The following SMAD3 variants were observed in gnomAD, a reference collection of about 807,000 sequenced individuals.
SMAD3 encodes MAD homolog 3.
Under a neutral mutation model 51.8 loss-of-function variants are expected in SMAD3, and 12 were observed. The observed-to-expected ratio is 0.23, with a 90% confidence interval of 0.15 to 0.38. SMAD3 has a LOEUF of 0.38. Ranked by LOEUF, SMAD3 falls within the 10% of genes least tolerant of loss-of-function variation. The probability of loss-of-function intolerance (pLI) is 1.00; values close to 1 mark genes in which losing one functional copy is unlikely to be tolerated. For missense variants in SMAD3, 294 were observed against 565.6 expected, an observed-to-expected ratio of 0.52 and a Z score of 4.87; for synonymous variants, 238 against 227.7, an observed-to-expected ratio of 1.05 and a Z score of -0.41.
intron 1 of SMAD3, among the ~76,000 whole-genome samples, chr15:67,125,484 C>G (rs957235678): frequency 6.6e-6 from 1 of 152,210 alleles, no homozygotes; most frequent in African/African-American, 2.4e-5. Flanking sequence ...GACCTGGCCT[C>G]AGGACCACTC....
rs762320351 is a variant in SMAD3, at chr15:67,166,194, G to T, written c.533-585G>T. The T allele has an allele frequency of 3.3e-4, 334 of 1,013,370 alleles. 1 individual carries two copies. Among genetic ancestry groups the T allele is most frequent in the Non-Finnish European group, 3.9e-4 (329 of 844,936 alleles). 62.8% of individuals were successfully genotyped at this position (1,013,370 alleles called of 1,614,324 possible). Reference sequence around the variant, plus strand: ...TGCGGGTAGCCCTGGCGTCCCGCGGGTAAGTCAACTACTCCCTGTTCAAAG... The same window carrying T: ...TGCGGGTAGCCCTGGCGTCCCGCGGTTAAGTCAACTACTCCCTGTTCAAAG... On this transcript the variant is annotated intron_variant, in intron 3 of 8. Coordinates refer to ENST00000327367, the MANE Select transcript of SMAD3 (RefSeq NM_005902.4).
At chr15:67,098,322 A>AGGAGGGAG (rs1279427816) in intron 1 of SMAD3, among the ~76,000 whole-genome samples, 4 of 83,762 alleles carry the variant, frequency 4.8e-5, no homozygotes, top group African/African-American at 1.4e-4. Context: ...AAAAGAAGGA[A>AGGAGGGAG]GGAGGGAGGG....
At chr15:67,116,067 C>T (rs1335892493) in intron 1 of SMAD3, among the ~76,000 whole-genome samples, 1 of 152,234 alleles carries the variant, frequency 6.6e-6, no homozygotes, top group African/African-American at 2.4e-5. Flanking sequence ...ACCCGAAGGA[C>T]TTTTTACATC....
intron 7 of SMAD3, chr15:67,186,967 G>A: frequency 2.3e-6 from 1 of 432,836 alleles, no homozygotes; most frequent in Non-Finnish European, 4.6e-6. Flanking sequence ...ACACAGCATG[G>A]GCAACCTGGC....
chr15:67,117,431 C>CAG (rs1961159715), intron 1 of SMAD3, among the ~76,000 whole-genome samples: 1 of 152,132 alleles, frequency 6.6e-6, no homozygotes, highest in Non-Finnish European at 1.5e-5. Flanking sequence ...CTTCATTTTA[C>CAG]AGAGGAGGAA....
intron 1 of SMAD3, among the ~76,000 whole-genome samples, chr15:67,080,203 A>C (rs1201358370): frequency 6.6e-6 from 1 of 152,208 alleles, no homozygotes; most frequent in Admixed American, 6.5e-5. Flanking sequence ...GGAATGTGCA[A>C]ATTATGTCCT....
intron 1 of SMAD3, among the ~76,000 whole-genome samples, chr15:67,126,390 T>A (rs1376956969): frequency 6.6e-6 from 1 of 152,116 alleles, no homozygotes; most frequent in Non-Finnish European, 1.5e-5. Flanking sequence ...TCCTAGCCCG[T>A]TACCACAGCT....
intron 1 of SMAD3, among the ~76,000 whole-genome samples, chr15:67,095,478 A>G (rs961271825): frequency 7.2e-5 from 11 of 152,130 alleles, no homozygotes; most frequent in Non-Finnish European, 1.5e-4. Flanking sequence ...CGTGACGAGT[A>G]CAGTCACATA....
chr15:67,091,440 G>T (rs1021610993), intron 1 of SMAD3, among the ~76,000 whole-genome samples: 7 of 152,232 alleles, frequency 4.6e-5, no homozygotes, highest in African/African-American at 1.7e-4. Flanking sequence ...CAACCAGTGA[G>T]TCACTCACCC....
chr15:67,067,370 G>A (rs1395848069), intron 1 of SMAD3, among the ~76,000 whole-genome samples: 2 of 152,192 alleles, frequency 1.3e-5, no homozygotes, highest in African/African-American at 4.8e-5. Flanking sequence ...GCCTGGCTGG[G>A]AACTGGGGGT....
chr15:67,102,928 A>G (rs988932521), intron 1 of SMAD3, among the ~76,000 whole-genome samples: 9 of 152,092 alleles, frequency 5.9e-5, no homozygotes, highest in African/African-American at 2.2e-4. Context: ...GTTTCCTGGG[A>G]TGCTCTCCTA....
intron 1 of SMAD3, among the ~76,000 whole-genome samples, chr15:67,092,852 A>G (rs889738894): frequency 6.6e-6 from 1 of 152,204 alleles, no homozygotes; most frequent in Non-Finnish European, 1.5e-5. Context: ...AACAGGCACG[A>G]TGTTCCATAT....
chr15:67,107,594 A>G (rs955960246), intron 1 of SMAD3, among the ~76,000 whole-genome samples: 2 of 152,170 alleles, frequency 1.3e-5, no homozygotes, highest in Non-Finnish European at 2.9e-5. Flanking sequence ...CGCCTCTCTG[A>G]GCCTTGCCAC....
In SMAD3 at chr15:67,194,262, A is replaced by G. The variant is rs901934210; in HGVS notation, c.*3726A>G. 6 of 233,272 alleles carry G rather than the reference A, an allele frequency of 2.6e-5. No individual in the cohort carries two copies. Among genetic ancestry groups the G allele is most frequent in the African/African-American group, 8.8e-5 (4 of 45,358 alleles). 14.5% of individuals were successfully genotyped at this position (233,272 alleles called of 1,614,324 possible). ...CCCCTTTCAGGTAACCGTCTTCACAATGTATTTTCATCACAGTTTAAGGAG... is the reference window on the plus strand; with the variant it reads ...CCCCTTTCAGGTAACCGTCTTCACAGTGTATTTTCATCACAGTTTAAGGAG... On this transcript the variant is annotated 3_prime_UTR_variant, in exon 9 of 9. Coordinates refer to ENST00000327367, the MANE Select transcript of SMAD3 (RefSeq NM_005902.4).
At chr15:67,152,930 G>A (rs1385486204) in intron 1 of SMAD3, among the ~76,000 whole-genome samples, 1 of 152,190 alleles carries the variant, frequency 6.6e-6, no homozygotes, top group Non-Finnish European at 1.5e-5. Flanking sequence ...CATGGGGGAA[G>A]GGAGGGGCTC....
In SMAD3 at chr15:67,193,927, G is replaced by T. The variant is rs1963433733; in HGVS notation, c.*3391G>T. The T allele has an allele frequency of 4.3e-6, 1 of 233,176 alleles. No homozygotes were observed. The highest frequency in any genetic ancestry group is 8.5e-6 in the Non-Finnish European group (1 of 117,958). The allele number at this position is 233,176 out of a possible 1,614,324, so 14.4% of individuals were successfully genotyped here. A position where few individuals can be genotyped will look rare whatever the true frequency, so the allele number is the denominator to read the frequency against. On this transcript the variant is annotated 3_prime_UTR_variant, in exon 9 of 9. Transcript: ENST00000327367. ...GTAAGTAATCTGGGGAAGAAGCAAA[G>T]ATCTGTTTCATTCTTAGCCTCAGGC...
intron 8 of SMAD3, among the ~76,000 whole-genome samples, chr15:67,188,132 GTTTC>G (rs1280339817): frequency 3.6e-5 from 5 of 140,568 alleles, no homozygotes; most frequent in Non-Finnish European, 4.5e-5. Flanking sequence ...CTACATACTG[GTTTC>G]TTTTTCTTTT....
rs570593667 is a variant in SMAD3 at position 67,171,286 on chromosome 15, T to G, written c.658+682T>G. 3.3e-5 allele frequency among the ~76,000 whole-genome samples: 5 copies of G among 152,332 alleles called. No individual in the cohort carries two copies. In the East Asian group the frequency reaches 5.8e-4, roughly 18 times the overall value. On this transcript the variant is annotated intron_variant, in intron 5 of 8. Coordinates refer to ENST00000327367, the MANE Select transcript of SMAD3 (RefSeq NM_005902.4). ...ATCGTTGTGTGTTATCTCATGATGT[T>G]TTGGAGTGGAGGGTCCATTGTTTCC...
chr15:67,100,719 G>C (rs1960735693), intron 1 of SMAD3, among the ~76,000 whole-genome samples: 1 of 152,118 alleles, frequency 6.6e-6, no homozygotes, highest in Non-Finnish European at 1.5e-5. Context: ...TTTGTATTGG[G>C]TAGGAAAGAA....
Sources: gnomAD v4.1 joint callset for allele counts (sites outside exome capture counted in the v4.1 genomes callset) on GRCh38, gnomAD v4.1.1 for gene constraint, MANE v1.5 for transcripts, NCBI Gene and HGNC (gene_info 2026-07-23, HGNC 2026-07-21) for gene names.